The following CAMTA1 variants were observed in gnomAD, a reference collection of about 807,000 sequenced individuals.
CAMTA1 encodes the protein calmodulin-binding transcription activator 1.
A neutral mutation model predicts 170.9 loss-of-function variants in CAMTA1; 27 were observed. The ratio of observed to expected loss-of-function variants is 0.16; its 90% CI spans 0.12 to 0.22. The LOEUF is 0.22. CAMTA1 is among the 10% of genes least tolerant of loss of function. The pLI is 1.00. For missense variants in CAMTA1, 1,619 were observed against 2,217.2 expected (o/e 0.73, Z 5.42); for synonymous variants, 833 against 891.5 (o/e 0.93, Z 1.17).
In CAMTA1 at chr1:7,664,834, G is replaced by A; in HGVS notation, c.2287G>A (p.Asp763Asn). 6.2e-7 allele frequency: 1 copy of A among 1,613,518 alleles called. No individual in the cohort carries two copies. Among genetic ancestry groups the A allele is most frequent in the Non-Finnish European group, 8.5e-7 (1 of 1,180,028 alleles). ...GNASNMELSL[D>N]HFDISFSNQF... ...CGCCTCCAACATGGAGCTCAGCCTG[G>A]ACCACTTTGACATCTCCTTCAGCAA... The change falls in exon 9 of 23, where the codon GAC becomes AAC. Residue 763 changes from aspartate (D) to asparagine (N), a missense_variant. This residue lies in a region of CAMTA1 where 731 missense variants were observed against 907.6 expected (regional missense o/e 0.81). Transcript: ENST00000303635.
At chr1:7,135,865 G>C (rs573359170) in intron 4 of CAMTA1, among the ~76,000 whole-genome samples, 28 of 152,148 alleles carry the variant, frequency 1.8e-4, no homozygotes, top group Non-Finnish European at 3.7e-4. Context: ...ACTCTGTGCT[G>C]TTACAAACCA....
At chr1:7,183,627 G>A (rs544515613) in intron 4 of CAMTA1, among the ~76,000 whole-genome samples, 17 of 152,304 alleles carry the variant, frequency 1.1e-4, no homozygotes, top group African/African-American at 4.1e-4. Flanking sequence ...TGGCACAGTG[G>A]ATACTATGCA....
At chr1:7,745,549 T>G (rs537807414) in intron 17 of CAMTA1, among the ~76,000 whole-genome samples, 2 of 152,138 alleles carry the variant, frequency 1.3e-5, no homozygotes, top group African/African-American at 2.4e-5. Context: ...AAAAGAGAGA[T>G]AATGTAGCAT....
intron 3 of CAMTA1, among the ~76,000 whole-genome samples, chr1:6,831,754 TAAAG>T (rs746077977): frequency 1.5e-4 from 23 of 152,238 alleles, no homozygotes; most frequent in Non-Finnish European, 2.9e-4. Flanking sequence ...TACTGATCCT[TAAAG>T]AAAGTTTCAT....
chr1:6,946,144 G>A (rs903378171), intron 3 of CAMTA1, among the ~76,000 whole-genome samples: 3 of 151,216 alleles, frequency 2.0e-5, no homozygotes, highest in Non-Finnish European at 2.9e-5. Flanking sequence ...GGGAGTTCCA[G>A]TTTCTCCACA....
At chr1:6,899,554 G>GCA (rs70984034) in intron 3 of CAMTA1, among the ~76,000 whole-genome samples, 5,037 of 141,092 alleles carry the variant, frequency 0.036, 105 homozygotes, top group Admixed American at 0.059. Flanking sequence ...ACGCGCGCGC[G>GCA]CACACACACA....
intron 4 of CAMTA1, among the ~76,000 whole-genome samples, chr1:7,134,799 C>T (rs1645452161): frequency 6.6e-6 from 1 of 152,144 alleles, no homozygotes; most frequent in Non-Finnish European, 1.5e-5. Flanking sequence ...AGAATGGTAG[C>T]TCTGTCAACA....
chr1:6,837,816 ATC>A (rs1240412800), intron 3 of CAMTA1, among the ~76,000 whole-genome samples: 1 of 152,232 alleles, frequency 6.6e-6, no homozygotes, highest in Non-Finnish European at 1.5e-5. Flanking sequence ...GTTTTCAACA[ATC>A]TATTCCTCAA....
At chr1:6,849,823 T>G (rs1021977584) in intron 3 of CAMTA1, among the ~76,000 whole-genome samples, 2 of 151,714 alleles carry the variant, frequency 1.3e-5, no homozygotes, top group African/African-American at 4.8e-5. Context: ...TCACTTGAAG[T>G]CAGGAGTTCA....
intron 6 of CAMTA1, among the ~76,000 whole-genome samples, chr1:7,568,805 A>G (rs1054651921): frequency 2.7e-5 from 4 of 149,102 alleles, no homozygotes; most frequent in African/African-American, 1.0e-4. Context: ...TCCATCATCA[A>G]CATCACCATC....
At chr1:7,282,613 C>G (rs1326705684) in intron 5 of CAMTA1, among the ~76,000 whole-genome samples, 1 of 152,162 alleles carries the variant, frequency 6.6e-6, no homozygotes, top group African/African-American at 2.4e-5. Flanking sequence ...TCTGGCCACT[C>G]CTTCTGGATC....
intron 4 of CAMTA1, among the ~76,000 whole-genome samples, chr1:7,128,158 G>A (rs562125394): frequency 1.6e-4 from 24 of 152,272 alleles, no homozygotes; most frequent in African/African-American, 5.5e-4. Context: ...AATCAAGTGC[G>A]TCCGGTGTGA....
chr1:7,166,940 A>G (rs887398287), intron 4 of CAMTA1, among the ~76,000 whole-genome samples: 1 of 151,796 alleles, frequency 6.6e-6, no homozygotes, highest in South Asian at 2.1e-4. Context: ...CCTGCTGAGT[A>G]TCTGAGATTA....
chr1:7,697,295 T>A (rs1013089854), intron 11 of CAMTA1, among the ~76,000 whole-genome samples: 2 of 152,122 alleles, frequency 1.3e-5, no homozygotes, highest in African/African-American at 4.8e-5. Context: ...CTATTTAAGT[T>A]TATTATCCAA....
chr1:7,169,809 G>A (rs923313774), intron 4 of CAMTA1, among the ~76,000 whole-genome samples: 3 of 152,228 alleles, frequency 2.0e-5, no homozygotes, highest in African/African-American at 7.2e-5. Flanking sequence ...TTACAGGCAT[G>A]AGCCACTGTG....
intron 4 of CAMTA1, among the ~76,000 whole-genome samples, chr1:7,180,979 A>G (rs1165856102): frequency 2.6e-5 from 4 of 152,270 alleles, no homozygotes; most frequent in Non-Finnish European, 5.9e-5. Context: ...TTATAAACTT[A>G]TAAATATTGA....
chr1:7,179,818 C>G (rs1400931626), intron 4 of CAMTA1, among the ~76,000 whole-genome samples: 1 of 151,824 alleles, frequency 6.6e-6, no homozygotes, highest in East Asian at 1.9e-4. Context: ...AGTTCTTACC[C>G]CAAAAGCTAG....
intron 3 of CAMTA1, among the ~76,000 whole-genome samples, chr1:7,038,102 A>G (rs969599074): frequency 3.9e-5 from 6 of 152,296 alleles, no homozygotes; most frequent in Admixed American, 2.0e-4. Context: ...GGAGTTTACA[A>G]TACATGAAAA....
chr1:6,990,126 T>C (rs567601315), intron 3 of CAMTA1, among the ~76,000 whole-genome samples: 35 of 152,192 alleles, frequency 2.3e-4, no homozygotes, highest in Non-Finnish European at 3.8e-4. Context: ...CGTAATGAAA[T>C]TGGAGTGTGT....
Sources: gnomAD v4.1 joint callset for allele counts (sites outside exome capture counted in the v4.1 genomes callset) on GRCh38, gnomAD v4.1.1 for gene constraint, gnomAD v4.1.1 regional missense constraint, MANE v1.5 for transcripts, NCBI Gene and HGNC (gene_info 2026-07-23, HGNC 2026-07-21) for gene names.